The following HARBI1 variants were observed in gnomAD, a reference collection of about 807,000 sequenced individuals.
HARBI1 encodes putative nuclease HARBI1.
A neutral mutation model predicts 25.3 loss-of-function variants in HARBI1; 15 were observed. The observed-to-expected ratio is 0.59, with a 90% CI of 0.40 to 0.91. The LOEUF is 0.91. HARBI1 is among the 40% of genes least tolerant of loss of function. HARBI1 has a pLI of 0.00. For missense variants in HARBI1, 396 were observed against 445.8 expected (o/e 0.89, Z 1.01); for synonymous variants, 168 against 160.5 (o/e 1.05, Z -0.35).
chr11:46,617,752 T>TA (rs1462299544), upstream of HARBI1: 2 of 398,344 alleles, frequency 5.0e-6, no homozygotes, highest in African/African-American at 4.1e-5. Flanking sequence ...TCTGAAGCCT[T>TA]AGGTGTCTAT....
In HARBI1 at chr11:46,603,833, A is replaced by G. The variant is rs569103656; in HGVS notation, c.747T>C (p.Tyr249=). The change falls in exon 3 of 3, where the codon TAT becomes TAC. Residue 249 remains tyrosine, a synonymous_variant. Coordinates refer to ENST00000326737, the MANE Select transcript of HARBI1 (RefSeq NM_173811.4). The stretch of plus-strand genomic sequence containing the variant: ...TGTGAGTTGCAGAATGGGCCATGTT[A>G]TAGCGATATTCTGCTGGAGTTTCAG... ...HIPETPAEYR[Y]NMAHSATHSV... 1 of 1,614,164 alleles carries G rather than the reference A, an allele frequency of 6.2e-7. No homozygotes were observed. Among genetic ancestry groups the G allele is most frequent in the East Asian group, 2.2e-5 (1 of 44,884 alleles).
chr11:46,617,870 CTT>C, upstream of HARBI1: 1 of 399,150 alleles, frequency 2.5e-6, no homozygotes. Context: ...CGGAACCACT[CTT>C]TGTGCCGCAG....
intron 2 of HARBI1, among the ~76,000 whole-genome samples, chr11:46,607,970 G>C (rs1187617396): frequency 1.4e-5 from 2 of 145,602 alleles, no homozygotes; most frequent in Non-Finnish European, 3.0e-5. Flanking sequence ...GACAAATCTA[G>C]AACTGTTCCT....
At chr11:46,612,393 A>AT (rs2045217927) in intron 2 of HARBI1, among the ~76,000 whole-genome samples, 1 of 152,128 alleles carries the variant, frequency 6.6e-6, no homozygotes, top group African/African-American at 2.4e-5. Flanking sequence ...AAAGTAGCAC[A>AT]TTAAAAAAAA....
chr11:46,612,344 T>G (rs1476445715), intron 2 of HARBI1, among the ~76,000 whole-genome samples: 1 of 152,018 alleles, frequency 6.6e-6, no homozygotes, highest in Non-Finnish European at 1.5e-5. Flanking sequence ...ATCTCTTATA[T>G]GTTGTATACA....
intron 2 of HARBI1, among the ~76,000 whole-genome samples, chr11:46,609,496 G>A (rs2045089354): frequency 7.0e-6 from 1 of 143,732 alleles, no homozygotes; most frequent in African/African-American, 2.8e-5. Context: ...ACAGGCTCAC[G>A]CCACCGTGCC....
chr11:46,611,269 A>C (rs939069305), intron 2 of HARBI1, among the ~76,000 whole-genome samples: 21 of 152,060 alleles, frequency 1.4e-4, no homozygotes, highest in Non-Finnish European at 2.6e-4. Flanking sequence ...GGCCTCCCAA[A>C]GTGCTGGGAT....
intron 2 of HARBI1, among the ~76,000 whole-genome samples, chr11:46,611,110 C>T (rs1377236221): frequency 6.6e-6 from 1 of 150,806 alleles, no homozygotes; most frequent in Admixed American, 6.6e-5. Context: ...CGGGTTCACG[C>T]CATTCTCCTG....
intron 2 of HARBI1, chr11:46,604,414 T>C: frequency 4.3e-6 from 4 of 920,988 alleles, no homozygotes; most frequent in Non-Finnish European, 3.9e-6. Flanking sequence ...TCAAATAAAA[T>C]AAAATTCCTG....
chr11:46,604,684 A>G, intron 2 of HARBI1: 1 of 985,392 alleles, frequency 1.0e-6, no homozygotes, highest in Non-Finnish European at 1.2e-6. Flanking sequence ...TAAGAAGAAT[A>G]AGATAAAAGT....
chr11:46,603,607 C>T lies in HARBI1; in HGVS notation c.973G>A (p.Glu325Lys), dbSNP rs201248157. Residue 325 changes from glutamate (E) to lysine (K), a missense_variant, in exon 3 of 3, where the codon GAG (glutamate) becomes AAG (lysine). By Grantham distance (56) the Glu-to-Lys change is moderately conservative. Coordinates refer to ENST00000326737, the MANE Select transcript of HARBI1 (RefSeq NM_173811.4). The part of the protein sequence containing the change: ...TGPMEQPPEE[E>K]YEHMESLDLE... ...TCCAGGGACTCCATGTGCTCATACT[C>T]CTCTTCCGGGGGCTGTTCCATGGGT... 7 of 1,614,136 alleles carry T rather than the reference C, an allele frequency of 4.3e-6. No individual in the cohort carries two copies. The East Asian group carries it at 8.9e-5, about 21-fold the overall frequency.
chr11:46,602,864 A>C lies in HARBI1; in HGVS notation c.*666T>G, dbSNP rs2044817412. The C allele has an allele frequency of 8.5e-6, 1 of 117,236 alleles. No individual in the cohort carries two copies. The allele number at this position is 117,236 out of a possible 1,614,324, so 7.3% of individuals were successfully genotyped here. A position where few individuals can be genotyped will look rare whatever the true frequency, so the allele number is the denominator to read the frequency against. On this transcript the variant is annotated 3_prime_UTR_variant, in exon 3 of 3. Transcript: ENST00000326737. ...ATTTTTTTTTTTTTTTTTTTTTGAGACGGAGTTTCGCTCTTCTTGCCTAGG... is the reference window on the plus strand; with the variant it reads ...ATTTTTTTTTTTTTTTTTTTTTGAGCCGGAGTTTCGCTCTTCTTGCCTAGG...
At chr11:46,604,946 C>A (rs1033365740) in intron 2 of HARBI1, among the ~76,000 whole-genome samples, 2 of 152,142 alleles carry the variant, frequency 1.3e-5, no homozygotes, top group Non-Finnish European at 2.9e-5. Flanking sequence ...ACAACAACAA[C>A]AAAAAACTGG....
At chr11:46,610,180 C>A (rs1456898959) in intron 2 of HARBI1, among the ~76,000 whole-genome samples, 1 of 151,770 alleles carries the variant, frequency 6.6e-6, no homozygotes, top group Non-Finnish European at 1.5e-5. Context: ...ATTAGCCAGG[C>A]ATGATGGCAG....
At position 46,617,108 on chromosome 11, in the gene HARBI1, C is replaced by CT. The variant is rs1270866141; in HGVS notation, c.-145+15_-145+16insA. Reference sequence around the variant, plus strand: ...GATTGCGCCGGCCACTCAGTTAGCCCAGGCCCGTCACCCACCTCTCCGCGG... The same window carrying CT: ...GATTGCGCCGGCCACTCAGTTAGCCCTAGGCCCGTCACCCACCTCTCCGCGG... On this transcript the variant is annotated intron_variant, in intron 1 of 2. Transcript: ENST00000326737. 1.7e-6 allele frequency: 1 copy of CT among 599,144 alleles called. No homozygotes were observed. The highest frequency in any genetic ancestry group is 2.0e-5 in the African/African-American group (1 of 49,604). 37.1% of individuals were successfully genotyped at this position (599,144 alleles called of 1,614,324 possible). A position where few individuals can be genotyped will look rare whatever the true frequency, so the allele number is the denominator to read the frequency against.
At position 46,616,375 on chromosome 11, in the gene HARBI1, C is replaced by A. The variant is rs2045465626; in HGVS notation, c.-138G>T. 6.9e-7 allele frequency: 1 copy of A among 1,448,890 alleles called. No individual in the cohort carries two copies. The highest frequency in any genetic ancestry group is 2.4e-5 in the East Asian group (1 of 41,260). The allele number at this position is 1,448,890 out of a possible 1,614,324, so 89.8% of individuals were successfully genotyped here. A position where few individuals can be genotyped will look rare whatever the true frequency, so the allele number is the denominator to read the frequency against. ...GTTAAATGGCTCTGCCATTTATAAT[C>A]TTCTCTCTGTAAATGTTAAAAGAAA... On this transcript the variant is annotated 5_prime_UTR_variant, in exon 2 of 3. Transcript: ENST00000326737.
intron 2 of HARBI1, among the ~76,000 whole-genome samples, chr11:46,608,361 C>G (rs2045038798): frequency 6.6e-6 from 1 of 152,154 alleles, no homozygotes; most frequent in South Asian, 2.1e-4. Flanking sequence ...CTTTTAACAT[C>G]TTGTCATTCC....
At chr11:46,617,845 T>C, upstream of HARBI1, 1 of 399,134 alleles carries the variant, frequency 2.5e-6, no homozygotes, top group Non-Finnish European at 4.4e-6. Context: ...GGTCCCGGCC[T>C]CCGTAATGAG....
intron 2 of HARBI1, among the ~76,000 whole-genome samples, chr11:46,611,440 G>A (rs1480429488): frequency 6.6e-6 from 1 of 152,196 alleles, no homozygotes; most frequent in Non-Finnish European, 1.5e-5. Context: ...GCAGGGTGCA[G>A]TAGCTCATGC....
Sources: gnomAD v4.1 joint callset for allele counts (sites outside exome capture counted in the v4.1 genomes callset) on GRCh38, gnomAD v4.1.1 for gene constraint, MANE v1.5 for transcripts, NCBI Gene and HGNC (gene_info 2026-07-23, HGNC 2026-07-21) for gene names.